TRABD2A: variants seen among roughly 807,000 people sequenced by gnomAD.
TRABD2A encodes the protein TraB domain containing 2A, also known as metalloprotease TIKI1.
A neutral mutation model predicts 45.6 loss-of-function variants in TRABD2A; 43 were observed. The ratio of observed to expected loss-of-function variants is 0.94; its 90% CI spans 0.74 to 1.22. The LOEUF (loss-of-function observed/expected upper bound fraction) is 1.22. Ranked by LOEUF, TRABD2A falls within the 50% of genes most tolerant of loss-of-function variation. The pLI, the probability that TRABD2A is intolerant of heterozygous loss-of-function variation, is 0.00. For synonymous variants in TRABD2A, 269 were observed against 265.0 expected (o/e 1.02, Z -0.15); for missense variants, 642 against 652.4 (o/e 0.98, Z 0.17).
chr2:84,838,085 T>G, intron 4 of TRABD2A: 1 of 598,508 alleles, frequency 1.7e-6, no homozygotes, highest in Non-Finnish European at 3.0e-6. Flanking sequence ...AATGGAAATT[T>G]CAGGGAACTA....
At chr2:84,857,240 T>C (rs950197394) in intron 2 of TRABD2A, among the ~76,000 whole-genome samples, 12 of 152,166 alleles carry the variant, frequency 7.9e-5, no homozygotes, top group Non-Finnish European at 1.6e-4. Flanking sequence ...TAAGAATAAA[T>C]ACTAATTTCT....
intron 2 of TRABD2A, among the ~76,000 whole-genome samples, chr2:84,859,820 G>A (rs944289712): frequency 1.3e-5 from 2 of 152,192 alleles, no homozygotes; most frequent in Non-Finnish European, 1.5e-5. Flanking sequence ...TGATGCTGAT[G>A]CTGCCAGTCC....
chr2:84,845,840 G>A lies in TRABD2A; in HGVS notation c.670-3833C>T. ...TATGCCCACTGTTCCAAGCACTGAA[G>A]ATACAGTCATGAACAAGACAAGATC... On this transcript the variant is annotated intron_variant, in intron 2 of 6. Coordinates refer to ENST00000409520, the MANE Select transcript of TRABD2A (RefSeq NM_001277053.2). Among the ~76,000 whole-genome samples the A allele has an allele frequency of 1.3e-5, 2 of 152,102 alleles. 1 individual carries two copies. Among genetic ancestry groups the A allele is most frequent in the Non-Finnish European group, 2.9e-5 (2 of 68,022 alleles).
At position 84,839,739 on chromosome 2, in the gene TRABD2A, T is replaced by C. The variant is rs558866765; in HGVS notation, c.817-416A>G. On this transcript the variant is annotated intron_variant, in intron 3 of 6. Coordinates refer to ENST00000409520, the MANE Select transcript of TRABD2A (RefSeq NM_001277053.2). Reference sequence around the variant, plus strand: ...GATTCTATTACCGAAAACATGAAATTTGTATAAACACTTAAATGTTTTATA... The same window carrying C: ...GATTCTATTACCGAAAACATGAAATCTGTATAAACACTTAAATGTTTTATA... 6.6e-5 allele frequency among the ~76,000 whole-genome samples: 10 copies of C among 152,376 alleles called. No individual in the cohort carries two copies. The East Asian group carries it at 1.9e-3, about 29-fold the overall frequency.
chr2:84,827,370 C>T (rs1681180385), intron 5 of TRABD2A, among the ~76,000 whole-genome samples: 2 of 152,160 alleles, frequency 1.3e-5, no homozygotes, highest in African/African-American at 4.8e-5. Flanking sequence ...GAGCCTCTGC[C>T]CCTTGCATAA....
chr2:84,839,198 G>T lies in TRABD2A; in HGVS notation c.942C>A (p.Ala314=). 1 of 1,613,784 alleles carries T rather than the reference G, an allele frequency of 6.2e-7. No individual in the cohort carries two copies. The highest frequency in any genetic ancestry group is 8.5e-7 in the Non-Finnish European group (1 of 1,179,860). ...RNERIGKRVK[A]LLEEFPDKGF... is the part of the protein sequence containing the mutation. ...CTTTGTCAGGGAACTCCTCCAAAAG[G>T]GCCTTCACCCGCTTCCCTATTCTCT... Residue 314 remains alanine, a synonymous_variant, in exon 4 of 7, where the codon GCC becomes GCA. Transcript: ENST00000409520.
chr2:84,827,840 A>G (rs1484431082), intron 5 of TRABD2A, among the ~76,000 whole-genome samples: 1 of 152,232 alleles, frequency 6.6e-6, no homozygotes, highest in Non-Finnish European at 1.5e-5. Context: ...GGAAGGCTCC[A>G]CAAGTCAAGG....
chr2:84,841,845 G>A lies in TRABD2A; in HGVS notation c.816+16C>T. On this transcript the variant is annotated intron_variant, in intron 3 of 6. Coordinates refer to ENST00000409520, the MANE Select transcript of TRABD2A (RefSeq NM_001277053.2). ...TTAAATGTGTGCTGAGCTTGGCAGGGGGAAAGGGTGCTCACCTGGGAGCTG... is the reference window on the plus strand; with the variant it reads ...TTAAATGTGTGCTGAGCTTGGCAGGAGGAAAGGGTGCTCACCTGGGAGCTG... 1.3e-6 allele frequency: 2 copies of A among 1,508,100 alleles called. No individual in the cohort carries two copies. The highest frequency in any genetic ancestry group is 8.8e-7 in the Non-Finnish European group (1 of 1,130,250). The allele number at this position is 1,508,100 out of a possible 1,614,324, so 93.4% of individuals were successfully genotyped here.
At chr2:84,852,119 C>T (rs115496221) in intron 2 of TRABD2A, among the ~76,000 whole-genome samples, 1,669 of 152,244 alleles carry the variant, frequency 0.011, 28 homozygotes, top group African/African-American at 0.037. Context: ...GGGACACCAA[C>T]GTAACCTCCA....
rs1681010274 is a variant in TRABD2A, at chr2:84,821,901, C to G, written c.*16G>C. 1.3e-6 allele frequency: 2 copies of G among 1,567,942 alleles called. No homozygotes were observed. The highest frequency in any genetic ancestry group is 2.7e-5 in the African/African-American group (2 of 74,136). On this transcript the variant is annotated 3_prime_UTR_variant, in exon 7 of 7. Transcript: ENST00000409520. ...AAGTCCGAGGGGTCAGGTTCTTAGC[C>G]TGGTGCTTCCAGTCGTTACAGGAGG...
intron 4 of TRABD2A, chr2:84,835,298 T>A (rs892599633): frequency 6.6e-6 from 1 of 152,212 alleles, no homozygotes; most frequent in Non-Finnish European, 1.5e-5. Flanking sequence ...TTAGTCTGTG[T>A]TGCTGTTACA....
intron 6 of TRABD2A, among the ~76,000 whole-genome samples, chr2:84,823,674 C>A (rs1681059022): frequency 6.6e-6 from 1 of 152,194 alleles, no homozygotes; most frequent in Non-Finnish European, 1.5e-5. Context: ...TTCTTTGCAA[C>A]CTTTCCAGAT....
rs143096231 is a variant in TRABD2A at position 84,830,350 on chromosome 2, G to A, written c.1082+1705C>T. ...GTAGCGTCAGTAAAGGAGAGGCGGGGACGGGATGGAGGCTCTTCTGAAGCA... is the reference window on the plus strand; with the variant it reads ...GTAGCGTCAGTAAAGGAGAGGCGGGAACGGGATGGAGGCTCTTCTGAAGCA... On this transcript the variant is annotated intron_variant, in intron 5 of 6. Transcript: ENST00000409520. This position sits in a 1 kb window ranked among gnomAD's most constrained non-coding sequence, Gnocchi z 4.9. 8.7e-4 allele frequency among the ~76,000 whole-genome samples: 133 copies of A among 152,288 alleles called. 3 individuals carry two copies. Among genetic ancestry groups the A allele is most frequent in the African/African-American group, 3.0e-3 (123 of 41,550 alleles).
At chr2:84,843,326 A>G (rs1160517639) in intron 2 of TRABD2A, among the ~76,000 whole-genome samples, 1 of 151,954 alleles carries the variant, frequency 6.6e-6, no homozygotes, top group Non-Finnish European at 1.5e-5. Context: ...AGATGTTTCA[A>G]CTCTCCAGAG....
intron 2 of TRABD2A, among the ~76,000 whole-genome samples, chr2:84,867,153 G>GA (rs150359615): frequency 0.14 from 21,037 of 151,760 alleles, 1,881 homozygotes; most frequent in African/African-American, 0.26. Flanking sequence ...GAAGTTACAT[G>GA]AAAAAAAGAC....
chr2:84,845,325 C>T (rs1233954729), intron 2 of TRABD2A, among the ~76,000 whole-genome samples: 1 of 152,188 alleles, frequency 6.6e-6, no homozygotes, highest in African/African-American at 2.4e-5. Context: ...GCACTCCAGC[C>T]TGGGCAACAG....
At chr2:84,842,694 A>C (rs73946025) in intron 2 of TRABD2A, among the ~76,000 whole-genome samples, 9,531 of 150,994 alleles carry the variant, frequency 0.063, 433 homozygotes, top group African/African-American at 0.12. Flanking sequence ...GTGCCATTGT[A>C]CTCCAGGCTG....
At chr2:84,848,328 T>TGATAGATACATAGATAGATA (rs1372974431) in intron 2 of TRABD2A, among the ~76,000 whole-genome samples, 9 of 126,922 alleles carry the variant, frequency 7.1e-5, no homozygotes, top group Non-Finnish European at 1.0e-4. Flanking sequence ...CACATAAAAA[T>TGATAGATACATAGATAGATA]GATAGATAGA....
intron 1 of TRABD2A, among the ~76,000 whole-genome samples, chr2:84,873,328 G>A (rs963748629): frequency 6.6e-6 from 1 of 151,900 alleles, no homozygotes; most frequent in Non-Finnish European, 1.5e-5. Context: ...GGCTGAGGCA[G>A]GAGAATCGCT....
Sources: allele counts gnomAD v4.1 joint callset (sites outside exome capture counted in the v4.1 genomes callset), GRCh38; gene constraint gnomAD v4.1.1; non-coding constraint Gnocchi (gnomAD v3.1); transcripts MANE v1.5; gene names NCBI Gene and HGNC (gene_info 2026-07-23, HGNC 2026-07-21).